SGCZ: variants seen among roughly 807,000 people sequenced by gnomAD.
The protein encoded by SGCZ is sarcoglycan zeta.
A neutral mutation model predicts 41.3 loss-of-function variants in SGCZ; 40 were observed. The ratio of observed to expected loss-of-function variants is 0.97; its 90% CI spans 0.75 to 1.26. The LOEUF (loss-of-function observed/expected upper bound fraction) is 1.26. Among genes scored for constraint, SGCZ ranks in the 50% most tolerant of loss-of-function variants. SGCZ has a pLI of 0.00. For missense variants in SGCZ, 552 were observed against 369.8 expected (o/e 1.49, Z -4.04); for synonymous variants, 206 against 137.5 (o/e 1.50, Z -3.49).
intron 1 of SGCZ, among the ~76,000 whole-genome samples, chr8:15,073,185 T>G (rs1050922615): frequency 7.9e-5 from 12 of 152,190 alleles, no homozygotes; most frequent in Non-Finnish European, 1.2e-4. Flanking sequence ...TGTGTCATGG[T>G]GGGATCCCTT....
At chr8:14,456,757 C>G (rs1387515670) in intron 2 of SGCZ, among the ~76,000 whole-genome samples, 1 of 152,120 alleles carries the variant, frequency 6.6e-6, no homozygotes, top group Non-Finnish European at 1.5e-5. Flanking sequence ...ATTGTCATCT[C>G]CAATGCTGGA....
chr8:15,138,824 C>G (rs918927514), intron 1 of SGCZ, among the ~76,000 whole-genome samples: 2 of 152,080 alleles, frequency 1.3e-5, no homozygotes, highest in Non-Finnish European at 2.9e-5. Flanking sequence ...AATGTTTAAA[C>G]CATGTGGCTC....
At chr8:14,643,184 T>A (rs945888888) in intron 1 of SGCZ, among the ~76,000 whole-genome samples, 1 of 151,792 alleles carries the variant, frequency 6.6e-6, no homozygotes, top group Non-Finnish European at 1.5e-5. Flanking sequence ...CAAGAAAGTA[T>A]TTCCTGATTG....
intron 3 of SGCZ, among the ~76,000 whole-genome samples, chr8:14,266,505 G>A (rs1243368026): frequency 6.6e-6 from 1 of 152,088 alleles, no homozygotes; most frequent in Non-Finnish European, 1.5e-5. Flanking sequence ...GACCCAAGAA[G>A]AAATGCAGGA....
chr8:14,389,146 A>G (rs987123178), intron 2 of SGCZ, among the ~76,000 whole-genome samples: 14 of 152,042 alleles, frequency 9.2e-5, no homozygotes, highest in African/African-American at 3.4e-4. Flanking sequence ...TGTTGAGGTG[A>G]GTATTAGAAT....
At chr8:14,625,008 T>C (rs1242664900) in intron 1 of SGCZ, among the ~76,000 whole-genome samples, 1 of 152,148 alleles carries the variant, frequency 6.6e-6, no homozygotes, top group Non-Finnish European at 1.5e-5. Flanking sequence ...TATAATCTTC[T>C]GTTAGTCATT....
intron 1 of SGCZ, among the ~76,000 whole-genome samples, chr8:14,837,403 G>C (rs1380283674): frequency 6.6e-6 from 1 of 152,166 alleles, no homozygotes; most frequent in Non-Finnish European, 1.5e-5. Context: ...TTAAACGAAC[G>C]ATGTGTAGAA....
chr8:14,241,471 C>T (rs1271211804), intron 3 of SGCZ, among the ~76,000 whole-genome samples: 1 of 147,438 alleles, frequency 6.8e-6, no homozygotes, highest in Admixed American at 6.8e-5. Flanking sequence ...AATATATATC[C>T]TATATATAAT....
At chr8:14,933,431 CTTT>C (rs11443740) in intron 1 of SGCZ, among the ~76,000 whole-genome samples, 6 of 120,414 alleles carry the variant, frequency 5.0e-5, no homozygotes, top group Admixed American at 1.9e-4. Flanking sequence ...CTTTTTTTTT[CTTT>C]TTTTTTTTTT....
chr8:14,964,056 A>AAG (rs1379137761), intron 1 of SGCZ, among the ~76,000 whole-genome samples: 4 of 152,224 alleles, frequency 2.6e-5, no homozygotes, highest in Non-Finnish European at 5.9e-5. Flanking sequence ...AAATAAATTG[A>AAG]TCTTATAAGC....
chr8:14,281,580 A>G (rs1386883369), intron 3 of SGCZ, among the ~76,000 whole-genome samples: 1 of 152,080 alleles, frequency 6.6e-6, no homozygotes, highest in Non-Finnish European at 1.5e-5. Context: ...TTTATAGACC[A>G]TCTAGTGATA....
At chr8:14,159,244 T>A (rs1411306903) in intron 5 of SGCZ, among the ~76,000 whole-genome samples, 1 of 152,186 alleles carries the variant, frequency 6.6e-6, no homozygotes, top group African/African-American at 2.4e-5. Context: ...TATAACCACT[T>A]TTTTGGTGGC....
intron 3 of SGCZ, among the ~76,000 whole-genome samples, chr8:14,243,378 C>T (rs1563207516): frequency 9.9e-5 from 15 of 152,274 alleles, no homozygotes; most frequent in Admixed American, 7.9e-4. Context: ...TCCTGTTTTT[C>T]CATGCCTACT....
intron 3 of SGCZ, among the ~76,000 whole-genome samples, chr8:14,290,328 ATAG>A (rs1800796973): frequency 2.6e-5 from 4 of 151,358 alleles, no homozygotes; most frequent in Non-Finnish European, 5.9e-5. Flanking sequence ...AAAAGAAAAT[ATAG>A]ACACATGAGG....
At chr8:14,122,172 G>A (rs948214611) in intron 5 of SGCZ, among the ~76,000 whole-genome samples, 1 of 152,232 alleles carries the variant, frequency 6.6e-6, no homozygotes, top group African/African-American at 2.4e-5. Flanking sequence ...AGCTACTCGG[G>A]AGGCTGAGGC....
At chr8:14,762,715 T>C (rs1799928587) in intron 1 of SGCZ, among the ~76,000 whole-genome samples, 1 of 152,224 alleles carries the variant, frequency 6.6e-6, no homozygotes, top group Non-Finnish European at 1.5e-5. Context: ...CTACAGTGTA[T>C]ATGTTTATTT....
intron 1 of SGCZ, among the ~76,000 whole-genome samples, chr8:15,088,001 ACTCT>A (rs1405413983): frequency 3.3e-5 from 5 of 151,792 alleles, no homozygotes; most frequent in Non-Finnish European, 4.4e-5. Context: ...GTCATTTCTG[ACTCT>A]CTCTCACTCC....
At chr8:14,946,989 T>A (rs1800472613) in intron 1 of SGCZ, among the ~76,000 whole-genome samples, 1 of 152,082 alleles carries the variant, frequency 6.6e-6, no homozygotes, top group African/African-American at 2.4e-5. Context: ...CTTTCTATAG[T>A]TAGGGTTTGA....
intron 1 of SGCZ, among the ~76,000 whole-genome samples, chr8:14,825,412 A>C (rs925892428): frequency 1.3e-5 from 2 of 152,184 alleles, no homozygotes; most frequent in Non-Finnish European, 2.9e-5. Flanking sequence ...GAACTCAAAA[A>C]ATATAAAAAT....
Sources: allele counts gnomAD v4.1 joint callset (sites outside exome capture counted in the v4.1 genomes callset), GRCh38; gene constraint gnomAD v4.1.1; transcripts MANE v1.5; gene names NCBI Gene and HGNC (gene_info 2026-07-23, HGNC 2026-07-21).